The following DPYD variants were observed in gnomAD, a reference collection of about 807,000 sequenced individuals.
DPYD encodes dihydropyrimidine dehydrogenase.
In DPYD, 109 loss-of-function variants were observed where a neutral mutation model predicts 116.2. The ratio of observed to expected loss-of-function variants is 0.94; its 90% CI spans 0.80 to 1.10. DPYD has a LOEUF of 1.10. Ranked by LOEUF, DPYD falls within the 50% of genes least tolerant of loss-of-function variation. The probability of loss-of-function intolerance (pLI) is 0.00; values close to 1 mark genes in which losing one functional copy is unlikely to be tolerated. For synonymous variants in DPYD, 440 were observed against 432.0 expected, an observed-to-expected ratio of 1.02 and a Z score of -0.23; for missense variants, 1,302 against 1,254.5, an observed-to-expected ratio of 1.04 and a Z score of -0.57.
intron 14 of DPYD, among the ~76,000 whole-genome samples, chr1:97,426,762 A>G (rs540089012): frequency 6.6e-6 from 1 of 152,200 alleles, no homozygotes; most frequent in South Asian, 2.1e-4. Context: ...ATCTAGAAAA[A>G]AATTTAGGTT....
At chr1:97,602,012 A>G (rs77806051) in intron 8 of DPYD, among the ~76,000 whole-genome samples, 17,617 of 151,956 alleles carry the variant, frequency 0.12, 1,127 homozygotes, top group Middle Eastern at 0.15. Context: ...TTGGTTAGAG[A>G]ATAACAAGAA....
chr1:97,728,863 G>T (rs994505139), intron 4 of DPYD, among the ~76,000 whole-genome samples: 1 of 151,796 alleles, frequency 6.6e-6, no homozygotes, highest in African/African-American at 2.4e-5. Context: ...ACAACCTGTG[G>T]GTCCTCAGAT....
Position 97,335,466 on chromosome 1 carries a change from T to A in DPYD, c.2059-29169A>T, listed in dbSNP as rs1353626755. 2.6e-5 allele frequency among the ~76,000 whole-genome samples: 4 copies of A among 152,234 alleles called. No homozygotes were observed. The East Asian group carries it at 7.7e-4, about 29-fold the overall frequency. On this transcript the variant is annotated intron_variant, in intron 16 of 22. Coordinates refer to ENST00000370192, the MANE Select transcript of DPYD (RefSeq NM_000110.4). ...ATTGCAGGAGAACTTTGAGCTCATATCACCTTCCTTAGAAATTTTTTAAAA... is the reference window on the plus strand; with the variant it reads ...ATTGCAGGAGAACTTTGAGCTCATAACACCTTCCTTAGAAATTTTTTAAAA...
At chr1:97,784,435 G>C (rs1253080549) in intron 3 of DPYD, among the ~76,000 whole-genome samples, 1 of 152,134 alleles carries the variant, frequency 6.6e-6, no homozygotes, top group East Asian at 1.9e-4. Flanking sequence ...TAAAGAACAA[G>C]AGAACACACT....
chr1:97,660,596 G>C (rs1450390023), intron 8 of DPYD, among the ~76,000 whole-genome samples: 1 of 151,888 alleles, frequency 6.6e-6, no homozygotes, highest in African/African-American at 2.4e-5. Flanking sequence ...GTGTGTTCCT[G>C]GAGAGGACTC....
intron 3 of DPYD, among the ~76,000 whole-genome samples, chr1:97,791,681 A>C (rs2101271493): frequency 6.6e-6 from 1 of 152,320 alleles, no homozygotes; most frequent in South Asian, 2.1e-4. Flanking sequence ...AGAATAATTA[A>C]ATGCTAGTGT....
chr1:97,819,992 A>T (rs1173710098), intron 3 of DPYD, among the ~76,000 whole-genome samples: 1 of 152,134 alleles, frequency 6.6e-6, no homozygotes, highest in African/African-American at 2.4e-5. Flanking sequence ...ATAAAGTAGA[A>T]TAATGGCCAT....
At chr1:97,465,567 T>C (rs1436155164) in intron 13 of DPYD, among the ~76,000 whole-genome samples, 2 of 152,146 alleles carry the variant, frequency 1.3e-5, no homozygotes, top group African/African-American at 4.8e-5. Flanking sequence ...TGAGATCTGA[T>C]GGTTTTATAA....
At chr1:97,142,683 C>A in intron 20 of DPYD, among the ~76,000 whole-genome samples, 1 of 151,888 alleles carries the variant, frequency 6.6e-6, no homozygotes, top group Non-Finnish European at 1.5e-5. Flanking sequence ...ATAGCAATTC[C>A]TCCTCAGCCA....
intron 12 of DPYD, among the ~76,000 whole-genome samples, chr1:97,516,251 C>T (rs538177388): frequency 1.3e-5 from 2 of 152,102 alleles, no homozygotes; most frequent in South Asian, 4.1e-4. Flanking sequence ...CTCCCTGGTC[C>T]AATCCAGTCT....
At chr1:97,489,349 G>A (rs989369273) in intron 13 of DPYD, among the ~76,000 whole-genome samples, 2 of 152,270 alleles carry the variant, frequency 1.3e-5, no homozygotes, top group East Asian at 3.9e-4. Context: ...ATAAAGGTAG[G>A]AAAATGTTGA....
chr1:97,096,114 T>C (rs536954492), intron 21 of DPYD: 2 of 152,344 alleles, frequency 1.3e-5, no homozygotes, highest in South Asian at 2.1e-4. Flanking sequence ...TTTAATAAGA[T>C]GCCTTATTCC....
At chr1:97,567,092 G>GT (rs748496431) in intron 11 of DPYD, among the ~76,000 whole-genome samples, 54 of 152,118 alleles carry the variant, frequency 3.5e-4, no homozygotes, top group Non-Finnish European at 5.3e-4. Context: ...TTTTTGCATC[G>GT]TAAGAATCTT....
At chr1:97,191,236 G>A (rs897871893) in intron 20 of DPYD, among the ~76,000 whole-genome samples, 3 of 151,512 alleles carry the variant, frequency 2.0e-5, no homozygotes, top group African/African-American at 7.3e-5. Context: ...CCAAAAAAAA[G>A]AACGATTAGG....
In DPYD at chr1:97,098,476, G is replaced by C; in HGVS notation, c.2766+13C>G. 1.2e-6 allele frequency: 2 copies of C among 1,611,240 alleles called. No individual in the cohort carries two copies. The highest frequency in any genetic ancestry group is 1.7e-6 in the Non-Finnish European group (2 of 1,178,244). On this transcript the variant is annotated intron_variant, in intron 21 of 22. Coordinates refer to ENST00000370192, the MANE Select transcript of DPYD (RefSeq NM_000110.4). ...TAAAGTAGGCATACTTATATAGTTG[G>C]CATAATTTTTACCTTGATGGTAGGA...
intron 8 of DPYD, among the ~76,000 whole-genome samples, chr1:97,601,918 C>T (rs1193809010): frequency 6.6e-6 from 1 of 151,950 alleles, no homozygotes; most frequent in East Asian, 1.9e-4. Flanking sequence ...TTTGAAATCC[C>T]CATTAAACAT....
At chr1:97,279,244 G>A (rs1665150798) in intron 18 of DPYD, among the ~76,000 whole-genome samples, 1 of 152,086 alleles carries the variant, frequency 6.6e-6, no homozygotes, top group African/African-American at 2.4e-5. Context: ...ACACATATAT[G>A]AGAAGTTTTG....
chr1:97,272,567 C>A (rs962425508), intron 18 of DPYD, among the ~76,000 whole-genome samples: 6 of 152,196 alleles, frequency 3.9e-5, no homozygotes, highest in African/African-American at 1.4e-4. Flanking sequence ...TCTCTATATA[C>A]TATAATTACA....
chr1:97,664,618 G>C (rs970247066), intron 8 of DPYD, among the ~76,000 whole-genome samples: 2 of 151,666 alleles, frequency 1.3e-5, no homozygotes, highest in African/African-American at 4.8e-5. Flanking sequence ...GCCTTATTTT[G>C]CTTCCTCTTA....
Sources: allele counts gnomAD v4.1 joint callset (sites outside exome capture counted in the v4.1 genomes callset), GRCh38; gene constraint gnomAD v4.1.1; transcripts MANE v1.5; gene names NCBI Gene and HGNC (gene_info 2026-07-23, HGNC 2026-07-21).